The following ANKRD30BL variants were observed in gnomAD, a reference collection of about 807,000 sequenced individuals.
ANKRD30BL encodes putative ankyrin repeat domain-containing protein 30B-like.
In ANKRD30BL, 20 loss-of-function variants were observed where a neutral mutation model predicts 18.4. The ratio of observed to expected loss-of-function variants is 1.09; its 90% CI spans 0.77 to 1.58. The LOEUF is 1.58. ANKRD30BL is among the 40% of genes most tolerant of loss of function. The pLI, the probability that ANKRD30BL is intolerant of heterozygous loss-of-function variation, is 0.00. For synonymous variants in ANKRD30BL, 72 were observed against 100.9 expected (o/e 0.71, Z 1.72); for missense variants, 224 against 268.6 (o/e 0.83, Z 1.16).
intron 1 of ANKRD30BL, among the ~76,000 whole-genome samples, chr2:132,199,895 T>C (rs1189706212): frequency 1.3e-5 from 2 of 152,154 alleles, no homozygotes; most frequent in East Asian, 3.9e-4. Context: ...TTGATGAACA[T>C]TGATGCAAAA....
chr2:132,226,795 A>T (rs887775748), intron 1 of ANKRD30BL, among the ~76,000 whole-genome samples: 3 of 151,236 alleles, frequency 2.0e-5, no homozygotes, highest in African/African-American at 7.3e-5. Flanking sequence ...ATTATGGAAA[A>T]ACTCTTTTTG....
intron 1 of ANKRD30BL, among the ~76,000 whole-genome samples, chr2:132,236,828 A>G (rs1029023064): frequency 9.2e-5 from 14 of 151,872 alleles, no homozygotes; most frequent in African/African-American, 3.1e-4. Context: ...ATGCACACGT[A>G]TGTTTATTGT....
chr2:132,153,753 T>C (rs1573799093), intron 4 of ANKRD30BL: 2 of 805,934 alleles, frequency 2.5e-6, no homozygotes, highest in Non-Finnish European at 3.8e-6. Flanking sequence ...TATGTGCCTG[T>C]CAGTATAGAA....
chr2:132,226,207 T>A (rs998383443), intron 1 of ANKRD30BL, among the ~76,000 whole-genome samples: 1 of 151,474 alleles, frequency 6.6e-6, no homozygotes, highest in Non-Finnish European at 1.5e-5. Flanking sequence ...ACAGAAGCAT[T>A]TTCTGAAACT....
chr2:132,255,530 C>A (rs16849017), intron 1 of ANKRD30BL, among the ~76,000 whole-genome samples: 5 of 152,052 alleles, frequency 3.3e-5, no homozygotes, highest in Admixed American at 6.6e-5. Flanking sequence ...AGCTTTTTAA[C>A]TGCAACAACT....
chr2:132,248,245 G>A (rs1030576068), intron 1 of ANKRD30BL, among the ~76,000 whole-genome samples: 6 of 151,924 alleles, frequency 3.9e-5, no homozygotes, highest in African/African-American at 1.4e-4. Context: ...TTCTCAGAAT[G>A]CTTCTGTTTA....
At chr2:132,232,460 C>A (rs1004605352) in intron 1 of ANKRD30BL, among the ~76,000 whole-genome samples, 5 of 152,048 alleles carry the variant, frequency 3.3e-5, no homozygotes, top group Non-Finnish European at 7.3e-5. Context: ...GCACGTATAA[C>A]TAGAATAACC....
At chr2:132,249,190 A>T (rs1680584582) in intron 1 of ANKRD30BL, among the ~76,000 whole-genome samples, 1 of 152,016 alleles carries the variant, frequency 6.6e-6, no homozygotes. Flanking sequence ...TTCTACAAAA[A>T]GACTGTTTCC....
At chr2:132,232,979 C>T (rs60913905) in intron 1 of ANKRD30BL, among the ~76,000 whole-genome samples, 10,892 of 152,064 alleles carry the variant, frequency 0.072, 1,288 homozygotes, top group African/African-American at 0.25. Flanking sequence ...AGACTAACAG[C>T]GGATCTCTTG....
chr2:132,233,434 G>A, intron 1 of ANKRD30BL, among the ~76,000 whole-genome samples: 1 of 139,488 alleles, frequency 7.2e-6, no homozygotes, highest in African/African-American at 2.7e-5. Context: ...CTGTATTCAG[G>A]AAACCCATCT....
intron 1 of ANKRD30BL, among the ~76,000 whole-genome samples, chr2:132,215,357 C>CA (rs112971608): frequency 2.3e-3 from 291 of 128,448 alleles, no homozygotes; most frequent in African/African-American, 7.9e-3. Flanking sequence ...TATATCTTCA[C>CA]AAAAAAAACT....
At chr2:132,164,251 T>C (rs1349394809), upstream of ANKRD30BL, among the ~76,000 whole-genome samples, 4 of 149,710 alleles carry the variant, frequency 2.7e-5, no homozygotes, top group Non-Finnish European at 5.9e-5. Context: ...TGCATTTTCT[T>C]TGTTTCTTTT....
chr2:132,256,487 C>A (rs1573904095), intron 1 of ANKRD30BL, among the ~76,000 whole-genome samples: 2 of 152,236 alleles, frequency 1.3e-5, no homozygotes, highest in Admixed American at 1.3e-4. Flanking sequence ...GGGCGCGGGG[C>A]GGCCCCGACG....
chr2:132,233,210 A>G (rs1202443686), intron 1 of ANKRD30BL, among the ~76,000 whole-genome samples: 37 of 152,114 alleles, frequency 2.4e-4, no homozygotes, highest in African/African-American at 7.0e-4. Flanking sequence ...AGGAACAACC[A>G]GTACCAGCCA....
intron 1 of ANKRD30BL, among the ~76,000 whole-genome samples, chr2:132,232,450 G>A (rs150079683): frequency 0.013 from 2,053 of 152,206 alleles, 40 homozygotes; most frequent in African/African-American, 0.047. Context: ...AAATTTAGAA[G>A]CACGTATAAC....
chr2:132,166,885 G>C (rs1358006517), upstream of ANKRD30BL, among the ~76,000 whole-genome samples: 1 of 151,634 alleles, frequency 6.6e-6, no homozygotes, highest in Non-Finnish European at 1.5e-5. Flanking sequence ...AGAAGCTTAG[G>C]TTATTGATTT....
chr2:132,251,023 C>T (rs74764475), intron 1 of ANKRD30BL, among the ~76,000 whole-genome samples: 2,064 of 152,206 alleles, frequency 0.014, 51 homozygotes, highest in African/African-American at 0.047. Context: ...AGCTGTGCTG[C>T]GAGTGGACAG....
chr2:132,224,531 A>G (rs147812740), intron 1 of ANKRD30BL, among the ~76,000 whole-genome samples: 1 of 151,936 alleles, frequency 6.6e-6, no homozygotes, highest in Non-Finnish European at 1.5e-5. Context: ...TGTGCATTCA[A>G]CTCACAGAGC....
At chr2:132,254,002 C>T (rs1402124335) in intron 1 of ANKRD30BL, among the ~76,000 whole-genome samples, 2 of 151,882 alleles carry the variant, frequency 1.3e-5, no homozygotes, top group Admixed American at 6.6e-5. Flanking sequence ...GGCACGATGA[C>T]AGCCCCAGTG....
Sources: allele counts gnomAD v4.1 joint callset (sites outside exome capture counted in the v4.1 genomes callset), GRCh38; gene constraint gnomAD v4.1.1; transcripts MANE v1.5; gene names NCBI Gene and HGNC (gene_info 2026-07-23, HGNC 2026-07-21).